ADGRF5: variants seen among roughly 807,000 people sequenced by gnomAD.
ADGRF5 encodes G-protein coupled receptor 116.
ADGRF5 carries 75 observed loss-of-function variants against 132.3 expected under a neutral mutation model. The observed-to-expected ratio is 0.57, with a 90% CI of 0.47 to 0.69. ADGRF5 has a LOEUF of 0.69. Among genes scored for constraint, ADGRF5 ranks in the 30% least tolerant of loss-of-function variants. The pLI, the probability that ADGRF5 is intolerant of heterozygous loss-of-function variation, is 0.00. For missense variants in ADGRF5, 1,516 were observed against 1,630.6 expected (o/e 0.93, Z 1.21); for synonymous variants, 629 against 597.6 (o/e 1.05, Z -0.77).
Position 46,858,145 on chromosome 6 carries a change from A to G in ADGRF5, c.3758T>C (p.Ile1253Thr). 1 of 1,611,452 alleles carries G rather than the reference A, an allele frequency of 6.2e-7. No homozygotes were observed. Among genetic ancestry groups the G allele is most frequent in the Non-Finnish European group, 8.5e-7 (1 of 1,178,164 alleles). The change falls in exon 17 of 21, where the codon ATC (isoleucine) becomes ACC (threonine). Residue 1253 changes from isoleucine (I) to threonine (T), a missense_variant. Physicochemically the swap from Ile to Thr is moderately conservative, Grantham distance 89. Around this residue, in one of 2 missense-constraint regions of ADGRF5, gnomAD observed 571 missense variants for 701.2 expected, o/e 0.81. Coordinates refer to ENST00000283296, the MANE Select transcript of ADGRF5 (RefSeq NM_001098518.2). ...AAAACTCACCTGGAAGACATTGAGGATGGCAAATATGATATGGAACACAAG... is the reference window on the plus strand; with the variant it reads ...AAAACTCACCTGGAAGACATTGAGGGTGGCAAATATGATATGGAACACAAG... The part of the protein sequence containing the change: ...TNLVFHIIFA[I>T]LNVFQGLFIL...
At chr6:46,936,792 G>A (rs1777851371) in intron 1 of ADGRF5, among the ~76,000 whole-genome samples, 1 of 152,154 alleles carries the variant, frequency 6.6e-6, no homozygotes, top group Non-Finnish European at 1.5e-5. Flanking sequence ...TGGAAGGTAG[G>A]GAGAGTGGGA....
intron 10 of ADGRF5, among the ~76,000 whole-genome samples, chr6:46,877,303 CT>C (rs57358529): frequency 2.4e-4 from 17 of 70,248 alleles, no homozygotes; most frequent in African/African-American, 8.1e-4. Flanking sequence ...CTCTCTCTCT[CT>C]CTTTCCTTCC....
At chr6:46,914,259 A>G (rs1776233722) in intron 1 of ADGRF5, among the ~76,000 whole-genome samples, 1 of 152,234 alleles carries the variant, frequency 6.6e-6, no homozygotes, top group Non-Finnish European at 1.5e-5. Flanking sequence ...GTACAGATTA[A>G]AAAACCCTTA....
At chr6:46,883,512 A>T (rs1266006003) in intron 6 of ADGRF5, 47 bp downstream of exon 6, 1 of 901,296 alleles carries the variant, frequency 1.1e-6, no homozygotes, top group Non-Finnish European at 1.8e-6. Context: ...GACTCAGTTC[A>T]GTCCAAACAG....
chr6:46,869,225 C>T (rs767677376), intron 11 of ADGRF5, 133 bp from the exon 12 acceptor site: 11 of 1,487,860 alleles, frequency 7.4e-6, no homozygotes, highest in Non-Finnish European at 9.8e-6. Flanking sequence ...TGACTCTACT[C>T]ATGTCAAGGT....
intron 6 of ADGRF5, among the ~76,000 whole-genome samples, chr6:46,883,355 T>TG (rs1772696010): frequency 6.6e-6 from 1 of 152,242 alleles, no homozygotes; most frequent in South Asian, 2.1e-4. Flanking sequence ...GAAAAATTTA[T>TG]GCTTATAGGT....
chr6:46,912,835 C>G (rs953435685), intron 1 of ADGRF5, among the ~76,000 whole-genome samples: 2 of 152,072 alleles, frequency 1.3e-5, no homozygotes, highest in Non-Finnish European at 2.9e-5. Flanking sequence ...CAAGTTATGA[C>G]CAGACCCTTC....
chr6:46,946,829 T>C (rs1463082990), intron 1 of ADGRF5, among the ~76,000 whole-genome samples: 2 of 152,202 alleles, frequency 1.3e-5, no homozygotes, highest in African/African-American at 4.8e-5. Flanking sequence ...AGTGTGTACA[T>C]GTGTATGTGC....
In ADGRF5 at chr6:46,883,400, GA is replaced by G. The variant is rs1418715480; in HGVS notation, c.612+158del. Among the ~76,000 whole-genome samples, 4 of 152,296 alleles carry G rather than the reference GA, an allele frequency of 2.6e-5. No homozygotes were observed. In the South Asian group the frequency reaches 6.2e-4, roughly 24 times the overall value. On this transcript the variant is annotated intron_variant, in intron 6 of 20. Coordinates refer to ENST00000283296, the MANE Select transcript of ADGRF5 (RefSeq NM_001098518.2). ...TCACACTGTCCCCTAAACATGATTT[GA>G]TTTGAGCACATATTAATTCACCATC...
chr6:46,899,138 G>A (rs1217444420), intron 3 of ADGRF5, among the ~76,000 whole-genome samples: 2 of 152,088 alleles, frequency 1.3e-5, no homozygotes, highest in African/African-American at 4.8e-5. Flanking sequence ...ATGGATGGAG[G>A]GCCTAACAGG....
intron 1 of ADGRF5, among the ~76,000 whole-genome samples, chr6:46,912,525 T>C (rs1303175757): frequency 1.3e-5 from 2 of 151,936 alleles, no homozygotes; most frequent in Non-Finnish European, 2.9e-5. Flanking sequence ...GAGGCCAGGA[T>C]GGGGAGGACT....
intron 10 of ADGRF5, among the ~76,000 whole-genome samples, chr6:46,877,301 C>CCTACCT (rs1255264911): frequency 1.1e-5 from 1 of 95,138 alleles, no homozygotes; most frequent in African/African-American, 4.0e-5. Context: ...CTCTCTCTCT[C>CCTACCT]TCTCTTTCCT....
At chr6:46,940,068 C>A (rs1042169765) in intron 1 of ADGRF5, among the ~76,000 whole-genome samples, 1 of 151,938 alleles carries the variant, frequency 6.6e-6, no homozygotes, top group South Asian at 2.1e-4. Context: ...AACCAAACAC[C>A]GATTGAAAAA....
intron 3 of ADGRF5, among the ~76,000 whole-genome samples, chr6:46,894,470 A>G (rs1414604703): frequency 1.3e-5 from 2 of 152,208 alleles, no homozygotes; most frequent in Non-Finnish European, 1.5e-5. Context: ...ATAGCCATAT[A>G]CCCAAATCAT....
intron 17 of ADGRF5, among the ~76,000 whole-genome samples, chr6:46,857,420 A>G (rs757494413): frequency 1.3e-5 from 2 of 152,150 alleles, no homozygotes; most frequent in African/African-American, 2.4e-5. Context: ...AGTGGCCTCA[A>G]TCCTTGGGCA....
chr6:46,937,009 C>T (rs1777867230), intron 1 of ADGRF5, among the ~76,000 whole-genome samples: 2 of 152,316 alleles, frequency 1.3e-5, no homozygotes, highest in Non-Finnish European at 2.9e-5. Flanking sequence ...ACCCTTTTTA[C>T]TTAATGAGAG....
chr6:46,945,555 A>G lies in ADGRF5; in HGVS notation c.-25+9179T>C, dbSNP rs760849037. 2.0e-5 allele frequency among the ~76,000 whole-genome samples: 3 copies of G among 152,226 alleles called. 1 individual carries two copies. Among genetic ancestry groups the G allele is most frequent in the Non-Finnish European group, 4.4e-5 (3 of 68,044 alleles). On this transcript the variant is annotated intron_variant, in intron 1 of 20. Transcript: ENST00000265417. ...AAGAAGTGCATGTGAACAATTACTG[A>G]GATTTCAAACACAAAAGGCACTGTA...
chr6:46,926,506 G>A (rs1439836439), upstream of ADGRF5, among the ~76,000 whole-genome samples: 1 of 152,026 alleles, frequency 6.6e-6, no homozygotes, highest in Non-Finnish European at 1.5e-5. Flanking sequence ...GCAGATTTGA[G>A]GTATGGTTCG....
Position 46,856,971 on chromosome 6 carries a change from G to A in ADGRF5, c.3775-63C>T, listed in dbSNP as rs796423163. On this transcript the variant is annotated intron_variant, in intron 17 of 20. Transcript: ENST00000283296. The stretch of plus-strand genomic sequence containing the variant: ...TATAGTCTATTGTCCAGCAAAGGAG[G>A]AAGTACTGTTAACCTGGTGTTAAAT... 3 of 1,290,474 alleles carry A rather than the reference G, an allele frequency of 2.3e-6. No individual in the cohort carries two copies. In the African/African-American group the frequency reaches 4.4e-5, roughly 19 times the overall value. 79.9% of individuals were successfully genotyped at this position (1,290,474 alleles called of 1,614,324 possible).
Sources: gnomAD v4.1 joint callset for allele counts (sites outside exome capture counted in the v4.1 genomes callset) on GRCh38, gnomAD v4.1.1 for gene constraint, gnomAD v4.1.1 regional missense constraint, MANE v1.5 for transcripts, NCBI Gene and HGNC (gene_info 2026-07-23, HGNC 2026-07-21) for gene names.